Variants in RIMS2 observed in about 807,000 individuals in gnomAD.
RIMS2 encodes regulating synaptic membrane exocytosis 2, also known as regulating synaptic membrane exocytosis protein 2.
In RIMS2, 59 loss-of-function variants were observed where a neutral mutation model predicts 174.4. That is an observed-to-expected ratio of 0.34 (90% CI 0.27 to 0.42). RIMS2 has a LOEUF of 0.42. Ranked by LOEUF, RIMS2 falls within the 10% of genes least tolerant of loss-of-function variation. RIMS2 has a pLI of 1.00. For synonymous variants in RIMS2, 606 were observed against 572.5 expected (o/e 1.06, Z -0.84); for missense variants, 1,620 against 1,666.3 (o/e 0.97, Z 0.48).
rs146291247 is a variant in RIMS2, at chr8:103,938,256, C to T, written c.2547+1534C>T. ...TTCACGCTGCTGATAAAGACATACCCGAGACTGGGAAGAAAAAGGGATTTA... is the reference window on the plus strand; with the variant it reads ...TTCACGCTGCTGATAAAGACATACCTGAGACTGGGAAGAAAAAGGGATTTA... On this transcript the variant is annotated intron_variant, in intron 13 of 23. Coordinates refer to ENST00000504942, the Ensembl canonical transcript of RIMS2. Among the ~76,000 whole-genome samples, 12 of 152,092 alleles carry T rather than the reference C, an allele frequency of 7.9e-5. No homozygotes were observed. In the East Asian group the frequency reaches 1.2e-3, roughly 15 times the overall value.
At chr8:103,978,876 A>G (rs1370416963) in intron 16 of RIMS2, among the ~76,000 whole-genome samples, 1 of 152,192 alleles carries the variant, frequency 6.6e-6, no homozygotes, top group East Asian at 1.9e-4. Context: ...TTGTATATAT[A>G]TCTTTTTGTG....
At chr8:103,747,869 T>C (rs1273332271) in intron 2 of RIMS2, among the ~76,000 whole-genome samples, 1 of 152,164 alleles carries the variant, frequency 6.6e-6, no homozygotes, top group Non-Finnish European at 1.5e-5. Context: ...AGCTTAGATA[T>C]AAATAAGGCT....
intron 3 of RIMS2, among the ~76,000 whole-genome samples, chr8:103,786,675 A>T (rs1018010885): frequency 2.0e-5 from 3 of 152,150 alleles, no homozygotes; most frequent in African/African-American, 7.2e-5. Context: ...TTTGCTGAGG[A>T]GAGCTTTACT....
At chr8:103,657,657 A>G (rs186067107) in intron 1 of RIMS2, among the ~76,000 whole-genome samples, 30 of 152,340 alleles carry the variant, frequency 2.0e-4, no homozygotes, top group Non-Finnish European at 4.3e-4. Context: ...AGGAAGGTGC[A>G]TTCCAGAAAG....
intron 4 of RIMS2, among the ~76,000 whole-genome samples, chr8:103,908,703 A>G (rs984315338): frequency 6.6e-6 from 1 of 152,006 alleles, no homozygotes; most frequent in Non-Finnish European, 1.5e-5. Context: ...TTTTCTTACC[A>G]TGTCTATTGC....
intron 1 of RIMS2, among the ~76,000 whole-genome samples, chr8:103,692,142 G>A (rs1013921654): frequency 1.3e-5 from 2 of 152,098 alleles, no homozygotes; most frequent in African/African-American, 2.4e-5. Context: ...ATGAGACTGC[G>A]CTGGGTCAGA....
intron 2 of RIMS2, among the ~76,000 whole-genome samples, chr8:103,753,877 C>A (rs1234328763): frequency 6.6e-6 from 1 of 152,054 alleles, no homozygotes; most frequent in South Asian, 2.1e-4. Context: ...TTAAAAACAC[C>A]AGCTCCTGGA....
intron 19 of RIMS2, among the ~76,000 whole-genome samples, chr8:104,098,646 G>T (rs549388449): frequency 4.4e-4 from 67 of 152,118 alleles, no homozygotes; most frequent in African/African-American, 1.6e-3. Flanking sequence ...GGAAAAATTT[G>T]GGGCATCAGT....
At chr8:104,081,369 G>C (rs2097417673) in intron 19 of RIMS2, among the ~76,000 whole-genome samples, 1 of 151,862 alleles carries the variant, frequency 6.6e-6, no homozygotes, top group Non-Finnish European at 1.5e-5. Context: ...ATTCAAGTTA[G>C]TTAATATGAT....
chr8:103,818,365 C>A (rs542213363), intron 3 of RIMS2, among the ~76,000 whole-genome samples: 1 of 152,242 alleles, frequency 6.6e-6, no homozygotes, highest in African/African-American at 2.4e-5. Flanking sequence ...ATTTGGTTTA[C>A]ACACTAGTTT....
chr8:103,966,898 G>A (rs1294628814), intron 15 of RIMS2, among the ~76,000 whole-genome samples: 4 of 151,640 alleles, frequency 2.6e-5, no homozygotes, highest in East Asian at 3.9e-4. Flanking sequence ...ATATTATTGG[G>A]TTTTGCAGTT....
chr8:103,594,926 C>A (rs567560360), intron 1 of RIMS2, among the ~76,000 whole-genome samples: 1 of 151,688 alleles, frequency 6.6e-6, no homozygotes, highest in African/African-American at 2.4e-5. Context: ...GATTTGAAAG[C>A]CAGATAGCTC....
chr8:103,760,664 C>T (rs1009470512), intron 2 of RIMS2, among the ~76,000 whole-genome samples: 1 of 152,092 alleles, frequency 6.6e-6, no homozygotes, highest in African/African-American at 2.4e-5. Flanking sequence ...TTTCCAAACA[C>T]AATGTGGGCC....
intron 1 of RIMS2, among the ~76,000 whole-genome samples, chr8:103,550,633 C>CA (rs1277290974): frequency 1.3e-5 from 2 of 151,418 alleles, no homozygotes; most frequent in Admixed American, 6.6e-5. Flanking sequence ...GATAGAGACA[C>CA]AAAAAACCCT....
At chr8:103,679,059 A>G (rs2096848303) in intron 1 of RIMS2, among the ~76,000 whole-genome samples, 1 of 152,110 alleles carries the variant, frequency 6.6e-6, no homozygotes, top group African/African-American at 2.4e-5. Context: ...TATAATATTT[A>G]TATGGAAGAA....
At position 103,817,161 on chromosome 8, in the gene RIMS2, G is replaced by A. The variant is rs563860119; in HGVS notation, c.698+50624G>A. 5.3e-5 allele frequency among the ~76,000 whole-genome samples: 8 copies of A among 152,238 alleles called. No individual in the cohort carries two copies. In the South Asian group the frequency reaches 1.7e-3, roughly 32 times the overall value. On this transcript the variant is annotated intron_variant, in intron 3 of 23. Coordinates refer to ENST00000504942, the Ensembl canonical transcript of RIMS2. ...CATAATCAGAGGCTTAAAAATTAAAGCACCTCAGGTTGCTTCTGCTTGAGG... is the reference window on the plus strand; with the variant it reads ...CATAATCAGAGGCTTAAAAATTAAAACACCTCAGGTTGCTTCTGCTTGAGG...
rs559331680 is a variant in RIMS2, at chr8:104,223,379, G to A, written c.3335-21537G>A. The A allele has an allele frequency of 1.6e-4, 200 of 1,221,598 alleles. No homozygotes were observed. The Middle Eastern group carries it at 3.8e-3, about 23-fold the overall frequency. The allele number at this position is 1,221,598 out of a possible 1,614,324, so 75.7% of individuals were successfully genotyped here. The stretch of plus-strand genomic sequence containing the variant: ...CAGGATTCTCAGCTCCCTCCCGGGC[G>A]AGACCTCGGACGTTCACTGCGAGCA... On this transcript the variant is annotated intron_variant, in intron 19 of 23. Coordinates refer to ENST00000504942, the Ensembl canonical transcript of RIMS2.
intron 3 of RIMS2, among the ~76,000 whole-genome samples, chr8:103,872,404 A>G (rs1226036787): frequency 6.6e-6 from 1 of 152,198 alleles, no homozygotes; most frequent in Non-Finnish European, 1.5e-5. Flanking sequence ...TAGATGTCTT[A>G]AAGAGTTCTC....
chr8:103,924,612 T>C (rs1391497100), intron 10 of RIMS2, among the ~76,000 whole-genome samples: 3 of 151,622 alleles, frequency 2.0e-5, no homozygotes, highest in Non-Finnish European at 4.4e-5. Context: ...GGCCCATACT[T>C]CACTTACAAA....
Sources: allele counts gnomAD v4.1 joint callset (sites outside exome capture counted in the v4.1 genomes callset), GRCh38; gene constraint gnomAD v4.1.1; transcripts MANE v1.5; gene names NCBI Gene and HGNC (gene_info 2026-07-23, HGNC 2026-07-21).